CCSER1: variants seen among roughly 807,000 people sequenced by gnomAD.
The protein encoded by CCSER1 is serine-rich coiled-coil domain-containing protein 1.
A neutral mutation model predicts 82.0 loss-of-function variants in CCSER1; 41 were observed. The observed-to-expected ratio is 0.50, with a 90% CI of 0.39 to 0.65. The LOEUF (loss-of-function observed/expected upper bound fraction) is 0.65. Among genes scored for constraint, CCSER1 ranks in the 30% least tolerant of loss-of-function variants. The probability of loss-of-function intolerance (pLI) is 0.00; values close to 1 mark genes in which losing one functional copy is unlikely to be tolerated. For missense variants in CCSER1, 1,119 were observed against 1,064.2 expected (o/e 1.05, Z -0.72); for synonymous variants, 414 against 383.9 (o/e 1.08, Z -0.92).
chr4:90,422,274 C>T (rs1195856312), intron 4 of CCSER1, among the ~76,000 whole-genome samples: 1 of 152,100 alleles, frequency 6.6e-6, no homozygotes, highest in Non-Finnish European at 1.5e-5. Context: ...GCCAAGAGTG[C>T]TCAATTCAAC....
intron 10 of CCSER1, among the ~76,000 whole-genome samples, chr4:91,138,788 A>G (rs1323057548): frequency 6.6e-6 from 1 of 151,014 alleles, no homozygotes; most frequent in Non-Finnish European, 1.5e-5. Context: ...ACATGAACAG[A>G]CACTTCTCAA....
rs376807400 is a variant in CCSER1, at chr4:90,802,054, CT to C, written c.2011-13707del. Among the ~76,000 whole-genome samples, 927 of 151,740 alleles carry C rather than the reference CT, an allele frequency of 6.1e-3. 10 individuals carry two copies. The highest frequency in any genetic ancestry group is 0.022 in the African/African-American group (895 of 41,422). Reference sequence around the variant, plus strand: ...CCAATATGGTGAAACCCTGCCTCTACTAAAAATACAAAAATTAGCCAGGCAT... The same window carrying C: ...CCAATATGGTGAAACCCTGCCTCTACAAAAATACAAAAATTAGCCAGGCAT... On this transcript the variant is annotated intron_variant, in intron 7 of 10. Transcript: ENST00000509176.
chr4:91,110,039 TTAAAAC>T (rs1427244839), intron 10 of CCSER1, among the ~76,000 whole-genome samples: 1 of 152,026 alleles, frequency 6.6e-6, no homozygotes, highest in Non-Finnish European at 1.5e-5. Flanking sequence ...TTTGCTTAGA[TTAAAAC>T]TAAGCAAATT....
At chr4:90,876,473 G>T (rs1341712805) in intron 8 of CCSER1, among the ~76,000 whole-genome samples, 1 of 152,086 alleles carries the variant, frequency 6.6e-6, no homozygotes, top group Non-Finnish European at 1.5e-5. Flanking sequence ...GATATTTTAA[G>T]ATTAAAAAGA....
intron 7 of CCSER1, among the ~76,000 whole-genome samples, chr4:90,769,170 A>G (rs982995791): frequency 3.3e-5 from 5 of 152,176 alleles, no homozygotes; most frequent in African/African-American, 7.2e-5. Context: ...TTGCTCATCC[A>G]TAGAAGTAGG....
At chr4:90,478,975 G>A (rs542961424) in intron 5 of CCSER1, among the ~76,000 whole-genome samples, 6 of 152,068 alleles carry the variant, frequency 3.9e-5, no homozygotes, top group South Asian at 4.1e-4. Flanking sequence ...TCCTGACCTC[G>A]TGATCTGCCT....
chr4:90,843,553 A>G (rs1762832759), intron 8 of CCSER1, among the ~76,000 whole-genome samples: 1 of 152,176 alleles, frequency 6.6e-6, no homozygotes, highest in Non-Finnish European at 1.5e-5. Flanking sequence ...TCAACATCCA[A>G]GTATTTTCTA....
At chr4:90,491,502 C>T (rs949747698) in intron 5 of CCSER1, among the ~76,000 whole-genome samples, 11 of 152,074 alleles carry the variant, frequency 7.2e-5, no homozygotes, top group African/African-American at 2.7e-4. Context: ...ATTGAATACC[C>T]TTTATTTCTT....
intron 9 of CCSER1, 48 bp downstream of exon 9, chr4:90,923,495 A>T (rs1211060599): frequency 7.9e-7 from 1 of 1,269,828 alleles, no homozygotes. Context: ...TGGCATTCAG[A>T]CCTCCACAGC....
chr4:90,575,312 G>A (rs904202765), intron 5 of CCSER1, among the ~76,000 whole-genome samples: 2 of 152,170 alleles, frequency 1.3e-5, no homozygotes, highest in African/African-American at 4.8e-5. Flanking sequence ...CATAGTGGAA[G>A]GTGGAAAGGC....
chr4:90,829,396 A>T (rs889894301), intron 8 of CCSER1, among the ~76,000 whole-genome samples: 1 of 152,186 alleles, frequency 6.6e-6, no homozygotes, highest in Non-Finnish European at 1.5e-5. Flanking sequence ...AGACTGGAGA[A>T]AAAAACAGCT....
chr4:91,266,259 G>GT (rs149506283), intron 10 of CCSER1, among the ~76,000 whole-genome samples: 4,585 of 147,120 alleles, frequency 0.031, 210 homozygotes, highest in East Asian at 0.23. Context: ...GGTTTGTTTT[G>GT]TTTTTTTTTT....
intron 10 of CCSER1, among the ~76,000 whole-genome samples, chr4:91,347,167 A>G (rs1748116192): frequency 6.6e-6 from 1 of 152,110 alleles, no homozygotes; most frequent in Non-Finnish European, 1.5e-5. Flanking sequence ...AATTTTGTGA[A>G]AGGTATAACG....
chr4:90,690,106 T>G (rs1735556441), intron 6 of CCSER1, among the ~76,000 whole-genome samples: 1 of 152,030 alleles, frequency 6.6e-6, no homozygotes, highest in Non-Finnish European at 1.5e-5. Flanking sequence ...ATGTTAATCA[T>G]AGGAATATGT....
At chr4:90,786,300 A>G (rs1754511403) in intron 7 of CCSER1, among the ~76,000 whole-genome samples, 1 of 152,224 alleles carries the variant, frequency 6.6e-6, no homozygotes, top group Non-Finnish European at 1.5e-5. Context: ...CAAGATATAC[A>G]AATGAAGATC....
In CCSER1 at chr4:91,039,770, C is replaced by T. The variant is rs192746380; in HGVS notation, c.2173-46180C>T. ...ATTATATATGTATATATAATATCCA[C>T]GTATGTGATATATATACACACACAC... On this transcript the variant is annotated intron_variant, in intron 9 of 10. Coordinates refer to ENST00000509176, the MANE Select transcript of CCSER1 (RefSeq NM_001145065.2). 4.7e-3 allele frequency among the ~76,000 whole-genome samples: 707 copies of T among 151,720 alleles called. 6 individuals carry two copies. Among genetic ancestry groups the T allele is most frequent in the African/African-American group, 0.016 (648 of 41,368 alleles).
rs539854989 is a variant in CCSER1, at chr4:90,207,200, T to A, written c.-42+79369T>A. On this transcript the variant is annotated intron_variant, in intron 1 of 10. Transcript: ENST00000509176. ...AGCCTGTTTACATTTAAGGTTAATA[T>A]TGTTATGTGTGATCTGATCCTGTCA... Among the ~76,000 whole-genome samples the A allele has an allele frequency of 1.1e-3, 162 of 152,178 alleles. 1 individual carries two copies. Among genetic ancestry groups the A allele is most frequent in the Admixed American group, 1.2e-3 (19 of 15,278 alleles).
rs116520130 is a variant in CCSER1 at position 90,630,673 on chromosome 4, T to C, written c.1932+2441T>C. The stretch of plus-strand genomic sequence containing the variant: ...AGTTCTACTAAGAAGATATTCATAA[T>C]AGAGGCCTCTAAAGAAAATTGTTTT... On this transcript the variant is annotated intron_variant, in intron 6 of 10. Coordinates refer to ENST00000509176, the MANE Select transcript of CCSER1 (RefSeq NM_001145065.2). Among the ~76,000 whole-genome samples, 1,483 of 152,118 alleles carry C rather than the reference T, an allele frequency of 9.7e-3. 11 individuals are homozygous for C. Among genetic ancestry groups the C allele is most frequent in the Non-Finnish European group, 0.015 (1,007 of 67,996 alleles).
At chr4:90,846,770 C>A (rs1763279472) in intron 8 of CCSER1, among the ~76,000 whole-genome samples, 1 of 152,120 alleles carries the variant, frequency 6.6e-6, no homozygotes, top group Non-Finnish European at 1.5e-5. Flanking sequence ...CCTGCCTCAG[C>A]CTCCCGAGTA....
Sources: gnomAD v4.1 joint callset for allele counts (sites outside exome capture counted in the v4.1 genomes callset) on GRCh38, gnomAD v4.1.1 for gene constraint, MANE v1.5 for transcripts, NCBI Gene and HGNC (gene_info 2026-07-23, HGNC 2026-07-21) for gene names.